The following ATG5 variants were observed in gnomAD, a reference collection of about 807,000 sequenced individuals.
ATG5 encodes the protein autophagy protein 5.
ATG5 carries 14 observed loss-of-function variants against 36.5 expected under a neutral mutation model. The ratio of observed to expected loss-of-function variants is 0.38; its 90% CI spans 0.25 to 0.60. The LOEUF is 0.60. Among genes scored for constraint, ATG5 ranks in the 20% least tolerant of loss-of-function variants. ATG5 has a pLI of 0.60. For missense variants in ATG5, 195 were observed against 326.7 expected (o/e 0.60, Z 3.11); for synonymous variants, 95 against 101.5 (o/e 0.94, Z 0.38).
chr6:106,202,201 T>C (rs1328106771), intron 6 of ATG5, 112 bp from the exon 7 acceptor site: 6 of 706,174 alleles, frequency 8.5e-6, no homozygotes, highest in Admixed American at 2.2e-5. Context: ...GATACGGTGT[T>C]AGCATAATTA....
intron 6 of ATG5, among the ~76,000 whole-genome samples, chr6:106,222,017 G>C (rs531917129): frequency 5.9e-5 from 9 of 152,172 alleles, no homozygotes; most frequent in Admixed American, 4.6e-4. Context: ...TCAGCCTCCT[G>C]AGTAGCTGGG....
chr6:106,281,387 C>T (rs1227251787), intron 4 of ATG5, among the ~76,000 whole-genome samples: 3 of 152,180 alleles, frequency 2.0e-5, no homozygotes, highest in African/African-American at 7.2e-5. Flanking sequence ...AATGACATAA[C>T]ACCAGATTAG....
intron 5 of ATG5, among the ~76,000 whole-genome samples, chr6:106,277,799 G>A (rs1779718808): frequency 6.6e-6 from 1 of 152,210 alleles, no homozygotes; most frequent in African/African-American, 2.4e-5. Flanking sequence ...GGGTGACAGA[G>A]TGAAACTTCG....
chr6:106,243,437 T>C (rs930563171), intron 6 of ATG5, among the ~76,000 whole-genome samples: 4 of 149,424 alleles, frequency 2.7e-5, no homozygotes, highest in Non-Finnish European at 4.4e-5. Context: ...CTGAAGTGGG[T>C]GGATCGCTTG....
intron 6 of ATG5, among the ~76,000 whole-genome samples, chr6:106,229,559 T>TA (rs199498497): frequency 0.017 from 2,505 of 149,114 alleles, 173 homozygotes; most frequent in Admixed American, 0.13. Context: ...ATAGAAATAG[T>TA]AAAAAAAAAC....
At chr6:106,244,782 G>A (rs1245924211) in intron 6 of ATG5, among the ~76,000 whole-genome samples, 1 of 152,196 alleles carries the variant, frequency 6.6e-6, no homozygotes, top group Non-Finnish European at 1.5e-5. Flanking sequence ...GCAAATATGT[G>A]TGTAAATAAA....
At chr6:106,279,583 G>A (rs1779795743) in intron 5 of ATG5, 78 bp downstream of exon 5, 6 of 1,208,362 alleles carry the variant, frequency 5.0e-6, no homozygotes, top group African/African-American at 1.6e-5. Context: ...ATTCTAAAAT[G>A]TATCAACTAC....
At chr6:106,269,794 A>C (rs181799106) in intron 5 of ATG5, among the ~76,000 whole-genome samples, 1 of 151,078 alleles carries the variant, frequency 6.6e-6, no homozygotes, top group East Asian at 1.9e-4. Flanking sequence ...CTCCCTCCAC[A>C]CCTCCCTGCA....
At chr6:106,304,499 CA>C (rs1320409016) in intron 3 of ATG5, among the ~76,000 whole-genome samples, 1 of 151,714 alleles carries the variant, frequency 6.6e-6, no homozygotes, top group Non-Finnish European at 1.5e-5. Flanking sequence ...AACTCAGCAA[CA>C]AAAAGGAAAA....
chr6:106,265,802 A>G (rs1243528608), intron 5 of ATG5, among the ~76,000 whole-genome samples: 1 of 152,210 alleles, frequency 6.6e-6, no homozygotes, highest in African/African-American at 2.4e-5. Context: ...AATCAATGAG[A>G]AAAAAGAGAC....
chr6:106,252,552 G>A (rs1562238248), intron 5 of ATG5, among the ~76,000 whole-genome samples: 1 of 151,998 alleles, frequency 6.6e-6, no homozygotes, highest in East Asian at 1.9e-4. Flanking sequence ...TTACTCACAT[G>A]GACAAACTGC....
At chr6:106,248,717 T>C (rs993588035) in intron 5 of ATG5, among the ~76,000 whole-genome samples, 1 of 152,148 alleles carries the variant, frequency 6.6e-6, no homozygotes, top group Admixed American at 6.5e-5. Flanking sequence ...GGCGGGCAGA[T>C]CACCTGAGGT....
At chr6:106,226,830 C>T (rs538279111) in intron 6 of ATG5, among the ~76,000 whole-genome samples, 211 of 152,098 alleles carry the variant, frequency 1.4e-3, no homozygotes, top group African/African-American at 4.3e-3. Context: ...AGCACAAAAA[C>T]TGAATTAACT....
chr6:106,273,507 T>C (rs1349866787), intron 5 of ATG5, among the ~76,000 whole-genome samples: 1 of 152,174 alleles, frequency 6.6e-6, no homozygotes, highest in Admixed American at 6.5e-5. Context: ...ATCCTTGAAT[T>C]TGAGTCTTAT....
intron 5 of ATG5, among the ~76,000 whole-genome samples, chr6:106,259,120 T>C (rs1778914256): frequency 6.6e-6 from 1 of 152,138 alleles, no homozygotes; most frequent in African/African-American, 2.4e-5. Context: ...CAAGAAGTAT[T>C]TTCCTCAAAA....
At chr6:106,212,245 G>C (rs1288657448) in intron 6 of ATG5, among the ~76,000 whole-genome samples, 1 of 152,090 alleles carries the variant, frequency 6.6e-6, no homozygotes, top group Non-Finnish European at 1.5e-5. Flanking sequence ...AACTGAAAAG[G>C]CATTTTAGAA....
intron 7 of ATG5, 38 bp from the exon 8 acceptor site, chr6:106,186,714 A>G (rs1390531555): frequency 6.2e-7 from 1 of 1,603,346 alleles, no homozygotes; most frequent in Non-Finnish European, 8.5e-7. Flanking sequence ...ATAAAAGTCA[A>G]AACAGTTGAA....
At chr6:106,256,497 C>CA (rs1190397573) in intron 5 of ATG5, among the ~76,000 whole-genome samples, 1 of 152,208 alleles carries the variant, frequency 6.6e-6, no homozygotes, top group Admixed American at 6.5e-5. Flanking sequence ...CCAGATGTAA[C>CA]AAAAAACATA....
chr6:106,263,421 C>T (rs906224148), intron 5 of ATG5, among the ~76,000 whole-genome samples: 6 of 152,292 alleles, frequency 3.9e-5, no homozygotes, highest in African/African-American at 7.2e-5. Flanking sequence ...GCAGCTCCAG[C>T]GGATTTAATC....
Sources: allele counts gnomAD v4.1 joint callset (sites outside exome capture counted in the v4.1 genomes callset), GRCh38; gene constraint gnomAD v4.1.1; transcripts MANE v1.5; gene names NCBI Gene and HGNC (gene_info 2026-07-23, HGNC 2026-07-21).